PCDHGB3: variants seen among roughly 807,000 people sequenced by gnomAD.
PCDHGB3 encodes protocadherin gamma-B3.
In PCDHGB3, 40 loss-of-function variants were observed where a neutral mutation model predicts 59.2. The ratio of observed to expected loss-of-function variants is 0.68; its 90% CI spans 0.52 to 0.88. The LOEUF is 0.88. Among genes scored for constraint, PCDHGB3 ranks in the 40% least tolerant of loss-of-function variants. PCDHGB3 has a pLI of 0.00. For synonymous variants in PCDHGB3, 581 were observed against 503.6 expected, an observed-to-expected ratio of 1.15 and a Z score of -2.06; for missense variants, 1,309 against 1,187.9, an observed-to-expected ratio of 1.10 and a Z score of -1.50.
chr5:141,428,154 T>C, intron 1 of PCDHGB3: 2 of 1,578,924 alleles, frequency 1.3e-6, no homozygotes, highest in Non-Finnish European at 1.7e-6. Flanking sequence ...CACGGGAACC[T>C]GCTGGTTGCT....
chr5:141,394,276 C>T, intron 1 of PCDHGB3: 2 of 1,613,976 alleles, frequency 1.2e-6, no homozygotes, highest in South Asian at 1.1e-5. Flanking sequence ...GCCCAGGTCA[C>T]TTACTCTGTG....
chr5:141,418,351 G>A, intron 1 of PCDHGB3: 1 of 1,614,026 alleles, frequency 6.2e-7, no homozygotes, highest in Non-Finnish European at 8.5e-7. Flanking sequence ...ATATTAGTAT[G>A]AATTCGCTGA....
chr5:141,505,590 A>G, intron 3 of PCDHGB3, 109 bp downstream of exon 3: 1 of 1,571,996 alleles, frequency 6.4e-7, no homozygotes, highest in East Asian at 2.3e-5. Context: ...TAGTTTCTCC[A>G]GATCTTTCGG....
chr5:141,477,287 G>T lies in PCDHGB3; in HGVS notation c.2416-17520G>T. ...CGAGAACGGGCTGGTGACCTGCGAA[G>T]TTCCACCGGGTCTCCCTTTCAGCCT... On this transcript the variant is annotated intron_variant, in intron 1 of 3. Coordinates refer to ENST00000576222, the MANE Select transcript of PCDHGB3 (RefSeq NM_018924.5). The surrounding 1 kb of genome is among the most constrained non-coding windows in gnomAD (Gnocchi z 4.9). The T allele has an allele frequency of 6.2e-7, 1 of 1,614,190 alleles. No homozygotes were observed.
chr5:141,404,177 A>C, intron 1 of PCDHGB3: 1 of 1,613,448 alleles, frequency 6.2e-7, no homozygotes, highest in Non-Finnish European at 8.5e-7. Context: ...GACGGCCCAA[A>C]TTCTTGACCG....
rs745835885 is a variant in PCDHGB3 at position 141,376,254 on chromosome 5, T to G, written c.2415+3445T>G. The G allele has an allele frequency of 2.5e-6, 4 of 1,614,098 alleles. No homozygotes were observed. In the African/African-American group the frequency reaches 5.3e-5, roughly 22 times the overall value. On this transcript the variant is annotated intron_variant, in intron 1 of 3. Transcript: ENST00000576222. ...CTGCAGCGCTGGCACAAGTCACGCC[T>G]GCTGCAGGCTTCGGGAGGTGGCTTA...
At position 141,372,540 on chromosome 5, in the gene PCDHGB3, C is replaced by G. The variant is rs1208837944; in HGVS notation, c.2146C>G (p.Arg716Gly). The change falls in exon 1 of 4, where the codon CGA becomes GGA. Residue 716 changes from arginine to glycine, a missense_variant. Physicochemically the swap from Arg to Gly is moderately radical, Grantham distance 125. Transcript: ENST00000576222. ...AVILAISLRL[R>G]CSSRPATEGY... Reference sequence around the variant, plus strand: ...GATTCTGGCAATCTCCCTGCGCCTGCGATGCTCCTCCAGACCCGCCACTGA... The same window carrying G: ...GATTCTGGCAATCTCCCTGCGCCTGGGATGCTCCTCCAGACCCGCCACTGA... The G allele has an allele frequency of 1.9e-6, 3 of 1,614,012 alleles. No homozygotes were observed. The highest frequency in any genetic ancestry group is 3.3e-5 in the Admixed American group (2 of 60,026).
chr5:141,433,987 T>C (rs1332689630), intron 1 of PCDHGB3, among the ~76,000 whole-genome samples: 1 of 152,252 alleles, frequency 6.6e-6, no homozygotes, highest in Non-Finnish European at 1.5e-5. Context: ...GAAGAAGAGT[T>C]TTATATTCTC....
intron 2 of PCDHGB3, among the ~76,000 whole-genome samples, chr5:141,503,388 A>C (rs1456500896): frequency 6.6e-6 from 1 of 152,004 alleles, no homozygotes; most frequent in East Asian, 1.9e-4. Flanking sequence ...TGAGGTCAGG[A>C]GTTCGAAACC....
intron 1 of PCDHGB3, chr5:141,403,871 C>T: frequency 1.2e-6 from 2 of 1,613,602 alleles, no homozygotes; most frequent in Admixed American, 1.7e-5. Flanking sequence ...AGCAAAAAGT[C>T]TAGATTATGA....
chr5:141,404,707 C>A, intron 1 of PCDHGB3: 1 of 1,614,122 alleles, frequency 6.2e-7, no homozygotes, highest in South Asian at 1.1e-5. Flanking sequence ...CAGAGCCTGG[C>A]TACCTGGTGA....
chr5:141,485,387 C>T lies in PCDHGB3; in HGVS notation c.2416-9420C>T. The T allele has an allele frequency of 6.2e-7, 1 of 1,614,078 alleles. No homozygotes were observed. Among genetic ancestry groups the T allele is most frequent in the Non-Finnish European group, 8.5e-7 (1 of 1,179,994 alleles). On this transcript the variant is annotated intron_variant, in intron 1 of 3. Coordinates refer to ENST00000576222, the MANE Select transcript of PCDHGB3 (RefSeq NM_018924.5). This position sits in a 1 kb window ranked among gnomAD's most constrained non-coding sequence, Gnocchi z 5.7. ...GCTGCAGGTCGCTGGAGAGGTGAAC[C>T]AAAGACACTTCCGTGTGGATTTGGA...
chr5:141,452,791 C>T (rs1202677389), intron 1 of PCDHGB3, among the ~76,000 whole-genome samples: 2 of 152,156 alleles, frequency 1.3e-5, no homozygotes, highest in Non-Finnish European at 2.9e-5. Context: ...AACATACCAT[C>T]ATTTTTGCTG....
intron 1 of PCDHGB3, among the ~76,000 whole-genome samples, chr5:141,484,021 G>A (rs892390865): frequency 2.6e-5 from 4 of 151,080 alleles, no homozygotes; most frequent in African/African-American, 9.7e-5. Context: ...GGGGTGGGGT[G>A]AGATCAAGTC....
Position 141,410,082 on chromosome 5 carries a change from G to A in PCDHGB3, c.2415+37273G>A, listed in dbSNP as rs780485949. 1.6e-5 allele frequency: 25 copies of A among 1,612,386 alleles called. No individual in the cohort carries two copies. The Admixed American group carries it at 3.8e-4, about 25-fold the overall frequency. On this transcript the variant is annotated intron_variant, in intron 1 of 3. Transcript: ENST00000576222. ...CTGGGGCTGCGCACTGGGGAGGTGC[G>A]CACGGCTCGAGCCTTAGGCGACAGG... is the stretch of plus-strand genomic sequence containing the variant.
intron 1 of PCDHGB3, chr5:141,374,263 G>A: frequency 6.2e-7 from 1 of 1,614,016 alleles, no homozygotes; most frequent in Non-Finnish European, 8.5e-7. Flanking sequence ...AGGAGTTGGC[G>A]GAGCACGGAG....
intron 1 of PCDHGB3, chr5:141,408,572 G>A (rs745760240): frequency 4.3e-6 from 7 of 1,614,048 alleles, no homozygotes; most frequent in East Asian, 2.2e-5. Flanking sequence ...TGTGGTGATT[G>A]AGGATGTTAA....
intron 1 of PCDHGB3, chr5:141,422,893 C>T (rs1405800318): frequency 3.1e-6 from 5 of 1,614,128 alleles, no homozygotes; most frequent in Admixed American, 3.3e-5. Flanking sequence ...CGTGCTGGAC[C>T]AGAACGACAA....
chr5:141,509,900 C>T (rs2099878860), intron 3 of PCDHGB3, among the ~76,000 whole-genome samples: 1 of 152,186 alleles, frequency 6.6e-6, no homozygotes, highest in Admixed American at 6.5e-5. Context: ...CTGTCCCTTC[C>T]AGCATGCGCT....
Sources: gnomAD v4.1 joint callset for allele counts (sites outside exome capture counted in the v4.1 genomes callset) on GRCh38, gnomAD v4.1.1 for gene constraint, Gnocchi (gnomAD v3.1) non-coding constraint, MANE v1.5 for transcripts, NCBI Gene and HGNC (gene_info 2026-07-23, HGNC 2026-07-21) for gene names.